Variants in STARD9 observed in about 807,000 individuals in gnomAD.
STARD9 encodes StAR related lipid transfer domain containing 9, also known as stAR-related lipid transfer protein 9.
A neutral mutation model predicts 399.8 loss-of-function variants in STARD9; 346 were observed. The ratio of observed to expected loss-of-function variants is 0.87; its 90% confidence interval spans 0.79 to 0.95. The LOEUF (loss-of-function observed/expected upper bound fraction) is 0.95, where lower values mean the gene tolerates loss of function less well. STARD9 is among the 40% of genes least tolerant of loss of function. STARD9 has a pLI of 0.00. For synonymous variants in STARD9, 2,203 were observed against 2,143.5 expected, an observed-to-expected ratio of 1.03 and a Z score of -0.77; for missense variants, 5,832 against 5,667.5, an observed-to-expected ratio of 1.03 and a Z score of -0.93.
intron 3 of STARD9, among the ~76,000 whole-genome samples, chr15:42,586,840 C>CTT (rs766190755): frequency 2.2e-5 from 3 of 136,734 alleles, no homozygotes; most frequent in Admixed American, 1.5e-4. Context: ...TTTCATAAAA[C>CTT]TTTTTTTTTT....
At chr15:42,586,004 G>T (rs2058270495) in intron 3 of STARD9, among the ~76,000 whole-genome samples, 1 of 152,202 alleles carries the variant, frequency 6.6e-6, no homozygotes, top group Non-Finnish European at 1.5e-5. Context: ...TGAAACTAAT[G>T]ATGTTTTGGT....
At chr15:42,601,312 C>T (rs1406973732) in intron 3 of STARD9, among the ~76,000 whole-genome samples, 1 of 152,198 alleles carries the variant, frequency 6.6e-6, no homozygotes, top group African/African-American at 2.4e-5. Context: ...CTTTTCCCCA[C>T]ATTTCCCCCT....
intron 26 of STARD9, among the ~76,000 whole-genome samples, chr15:42,696,115 C>T (rs2060841919): frequency 6.6e-6 from 1 of 152,306 alleles, no homozygotes; most frequent in South Asian, 2.1e-4. Flanking sequence ...TAGGATACAG[C>T]GGTGAGCAAA....
chr15:42,585,638 G>A lies in STARD9; in HGVS notation c.234+1G>A. 2.0e-6 allele frequency: 3 copies of A among 1,501,958 alleles called. No homozygotes were observed. The highest frequency in any genetic ancestry group is 2.7e-6 in the Non-Finnish European group (3 of 1,115,840). The allele number at this position is 1,501,958 out of a possible 1,614,324, so 93.0% of individuals were successfully genotyped here. A position where few individuals can be genotyped will look rare whatever the true frequency, so the allele number is the denominator to read the frequency against. On this transcript the variant is annotated splice_donor_variant, in intron 3 of 32. Coordinates refer to ENST00000290607, the MANE Select transcript of STARD9 (RefSeq NM_020759.3). LOFTEE classifies it high-confidence loss of function. ...TCCCCAGTATGCATCTCAAGATGTGGTAATATCATTTATCATTTTTCTTTC... is the reference window on the plus strand; with the variant it reads ...TCCCCAGTATGCATCTCAAGATGTGATAATATCATTTATCATTTTTCTTTC...
chr15:42,640,023 G>C (rs1337319371), intron 7 of STARD9, among the ~76,000 whole-genome samples: 1 of 152,170 alleles, frequency 6.6e-6, no homozygotes, highest in Non-Finnish European at 1.5e-5. Context: ...CTGGGCTCAA[G>C]TGATCCTTCC....
chr15:42,625,647 A>AT (rs11399920), intron 3 of STARD9, among the ~76,000 whole-genome samples: 35,373 of 138,424 alleles, frequency 0.26, 5,858 homozygotes, highest in African/African-American at 0.45. Context: ...TCTTCTTCCT[A>AT]TTTTTTTTTT....
rs1219159897 is a variant in STARD9, at chr15:42,716,137, T to A, written c.13285-540T>A. On this transcript the variant is annotated intron_variant, in intron 26 of 32. Transcript: ENST00000290607. The stretch of plus-strand genomic sequence containing the variant: ...CCTATTGTTGAGGAGCTTGCTGCGG[T>A]GGAGGTGTGGTGACCACATTGCAGA... Among the ~76,000 whole-genome samples the A allele has an allele frequency of 2.6e-5, 4 of 152,066 alleles. No homozygotes were observed. The East Asian group carries it at 5.8e-4, about 22-fold the overall frequency.
intron 7 of STARD9, among the ~76,000 whole-genome samples, chr15:42,639,487 T>C (rs1297953836): frequency 2.0e-5 from 3 of 152,168 alleles, no homozygotes; most frequent in African/African-American, 7.2e-5. Context: ...TCTTATATCA[T>C]TAAGGTAGGT....
chr15:42,675,983 A>G lies in STARD9; in HGVS notation c.1874+8A>G, dbSNP rs760643505. The G allele has an allele frequency of 3.0e-6, 4 of 1,340,100 alleles. No individual in the cohort carries two copies. Among genetic ancestry groups the G allele is most frequent in the Non-Finnish European group, 9.8e-7 (1 of 1,024,838 alleles). 83.0% of individuals were successfully genotyped at this position (1,340,100 alleles called of 1,614,324 possible). On this transcript the variant is annotated splice_region_variant and intron_variant, in intron 20 of 32. Transcript: ENST00000290607. ...TTTGCTTTGGAAGGAAAGGTAAGAA[A>G]TAGCTGCTTATACTGATGTGGAACC...
At chr15:42,640,094 T>G (rs2059504159) in intron 7 of STARD9, among the ~76,000 whole-genome samples, 1 of 152,066 alleles carries the variant, frequency 6.6e-6, no homozygotes, top group African/African-American at 2.4e-5. Context: ...ATTTTTAAAT[T>G]TGCTGTAGAG....
chr15:42,682,127 G>C lies in STARD9; in HGVS notation c.2089G>C (p.Glu697Gln). 1 of 1,537,196 alleles carries C rather than the reference G, an allele frequency of 6.5e-7. No individual in the cohort carries two copies. The highest frequency in any genetic ancestry group is 8.7e-7 in the Non-Finnish European group (1 of 1,146,872). ...KENQQCLLREETWLASLQQQQ... is the reference protein window; with the variant it reads ...KENQQCLLREQTWLASLQQQQ... ...AGACCAGCAGTGTCTGCTCAGAGAA[G>C]AGACCTGGCTGGCCAGCTTGCAACA... The change falls in exon 22 of 33, where the codon GAG (glutamate) becomes CAG (glutamine). Residue 697 changes from glutamate (E) to glutamine (Q), a missense_variant. Glu to Gln is a conservative substitution (Grantham distance 29). Around this residue, in one of 2 missense-constraint regions of STARD9, gnomAD observed 5,828 missense variants for 5,651.1 expected, o/e 1.03. Transcript: ENST00000290607.
chr15:42,638,036 T>A lies in STARD9; in HGVS notation c.395T>A (p.Val132Asp), dbSNP rs781707902. 6.5e-7 allele frequency: 1 copy of A among 1,537,444 alleles called. No homozygotes were observed. Among genetic ancestry groups the A allele is most frequent in the South Asian group, 1.2e-5 (1 of 84,058 alleles). ...CTCTGGTTTGTGCAGGGTCTCTTCGTCAGGGAGAAAGACTGTGCCTCACTG... is the reference window on the plus strand; with the variant it reads ...CTCTGGTTTGTGCAGGGTCTCTTCGACAGGGAGAAAGACTGTGCCTCACTG... ...LTPRICEGLFVREKDCASLPS... is the reference protein window; with the variant it reads ...LTPRICEGLFDREKDCASLPS... Residue 132 changes from valine (V) to aspartate (D), a missense_variant, in exon 6 of 33, where the codon GTC becomes GAC. Val to Asp is a radical substitution (Grantham distance 152). Around this residue, in one of 2 missense-constraint regions of STARD9, gnomAD observed 5,828 missense variants for 5,651.1 expected, o/e 1.03. Transcript: ENST00000290607.
chr15:42,588,624 T>C (rs2058328904), intron 3 of STARD9, among the ~76,000 whole-genome samples: 1 of 151,970 alleles, frequency 6.6e-6, no homozygotes, highest in South Asian at 2.1e-4. Context: ...GAGGCCCTCA[T>C]TGCTTTAACA....
chr15:42,704,505 G>A (rs1369413972), intron 26 of STARD9, among the ~76,000 whole-genome samples: 1 of 152,124 alleles, frequency 6.6e-6, no homozygotes, highest in Non-Finnish European at 1.5e-5. Flanking sequence ...CTGTCTTTCA[G>A]AGAGCCTTCC....
chr15:42,718,820 G>A lies in STARD9; in HGVS notation c.13911G>A (p.Met4637Ile). The A allele has an allele frequency of 2.0e-6, 3 of 1,537,274 alleles. No homozygotes were observed. Among genetic ancestry groups the A allele is most frequent in the South Asian group, 1.2e-5 (1 of 84,064 alleles). ...CCATGCCAAGACCCAGCAGAAAAAT[G>A]GTTCGCGGGGAGATCCTGCCCAGTG... Reference protein sequence around the residue: ...DTSMPRPSRKMVRGEILPSAW... With the variant: ...DTSMPRPSRKIVRGEILPSAW... Residue 4637 changes from methionine (M) to isoleucine (I), a missense_variant, in exon 32 of 33, where the codon ATG becomes ATA. Physicochemically the swap from Met to Ile is conservative, Grantham distance 10. This residue lies in a region of STARD9 where 5,828 missense variants were observed against 5,651.1 expected (regional missense o/e 1.03). Coordinates refer to ENST00000290607, the MANE Select transcript of STARD9 (RefSeq NM_020759.3).
chr15:42,625,491 C>T (rs751954063), intron 3 of STARD9, among the ~76,000 whole-genome samples: 8 of 150,714 alleles, frequency 5.3e-5, no homozygotes, highest in Non-Finnish European at 7.4e-5. Context: ...CCACCACTCC[C>T]GGCTAATTTT....
Position 42,675,662 on chromosome 15 carries a change from A to G in STARD9, c.1688-2A>G. 6.5e-7 allele frequency: 1 copy of G among 1,536,086 alleles called. No individual in the cohort carries two copies. The highest frequency in any genetic ancestry group is 8.7e-7 in the Non-Finnish European group (1 of 1,145,908). On this transcript the variant is annotated splice_acceptor_variant, in intron 18 of 32. Transcript: ENST00000290607. LOFTEE classifies it high-confidence loss of function. Reference sequence around the variant, plus strand: ...GAATTCTCATTTGTCTCTGTGCTGCAGGAGCTGTCATAACCCTGGGGAAGG... The same window carrying G: ...GAATTCTCATTTGTCTCTGTGCTGCGGGAGCTGTCATAACCCTGGGGAAGG...
At chr15:42,648,026 T>A (rs939733573) in intron 7 of STARD9, among the ~76,000 whole-genome samples, 1 of 152,234 alleles carries the variant, frequency 6.6e-6, no homozygotes, top group Non-Finnish European at 1.5e-5. Context: ...AGTTTGTCCC[T>A]TCTTGACTTA....
chr15:42,687,157 C>T lies in STARD9; in HGVS notation c.5579C>T (p.Ser1860Phe). 6.5e-7 allele frequency: 1 copy of T among 1,537,310 alleles called. No individual in the cohort carries two copies. The highest frequency in any genetic ancestry group is 8.7e-7 in the Non-Finnish European group (1 of 1,146,894). The change falls in exon 23 of 33, where the codon TCT (serine) becomes TTT (phenylalanine). Residue 1860 changes from serine to phenylalanine, a missense_variant. By Grantham distance (155) the Ser-to-Phe change is radical. This residue lies in a region of STARD9 where 5,828 missense variants were observed against 5,651.1 expected (regional missense o/e 1.03). Transcript: ENST00000290607. ...ACTCAGAACAGACATTTTCTCCCCT[C>T]TACCAGCACAAAAGTATGTGAATTT... is the stretch of plus-strand genomic sequence containing the variant. The part of the protein sequence containing the change: ...SVTQNRHFLP[S>F]TSTKVCEFEN...
Sources: allele counts gnomAD v4.1 joint callset (sites outside exome capture counted in the v4.1 genomes callset), GRCh38; gene constraint gnomAD v4.1.1; regional missense constraint gnomAD v4.1.1; transcripts MANE v1.5; gene names NCBI Gene and HGNC (gene_info 2026-07-23, HGNC 2026-07-21).